NALCN: variants seen among roughly 807,000 people sequenced by gnomAD.
The protein encoded by NALCN is sodium leak channel, non-selective, also known as sodium leak channel NALCN.
Under a neutral mutation model 225.3 loss-of-function variants are expected in NALCN, and 111 were observed. The observed-to-expected ratio is 0.49, with a 90% CI of 0.42 to 0.58. The LOEUF is 0.58. Among genes scored for constraint, NALCN ranks in the 20% least tolerant of loss-of-function variants. The probability of loss-of-function intolerance (pLI) is 0.00; values close to 1 mark genes in which losing one functional copy is unlikely to be tolerated. For synonymous variants in NALCN, 764 were observed against 769.0 expected (o/e 0.99, Z 0.11); for missense variants, 1,378 against 2,202.4 (o/e 0.63, Z 7.49).
At chr13:101,415,206 C>CATATATATATATATATATATAT (rs1278371508) in intron 1 of NALCN, among the ~76,000 whole-genome samples, 5,288 of 103,756 alleles carry the variant, frequency 0.051, 395 homozygotes, top group Middle Eastern at 0.066. Context: ...ACAAATCACA[C>CATATATATATATATATATATAT]ACATATATAT....
intron 14 of NALCN, 55 bp downstream of exon 14, chr13:101,191,862 T>C (rs2039693939): frequency 3.2e-6 from 5 of 1,560,424 alleles, no homozygotes; most frequent in Admixed American, 1.9e-5. Flanking sequence ...TATCTGTTGA[T>C]GTTCATCCCA....
At position 101,207,881 on chromosome 13, in the gene NALCN, T is replaced by C. The variant is rs143512969; in HGVS notation, c.1627-15827A>G. On this transcript the variant is annotated intron_variant, in intron 13 of 43. Coordinates refer to ENST00000251127, the MANE Select transcript of NALCN (RefSeq NM_052867.4). Reference sequence around the variant, plus strand: ...ATCTTGCTGCTGCTCACTCTTTGGGTCCGCACTGTCTTTATGAGCTGCAAC... The same window carrying C: ...ATCTTGCTGCTGCTCACTCTTTGGGCCCGCACTGTCTTTATGAGCTGCAAC... 6.5e-3 allele frequency among the ~76,000 whole-genome samples: 988 copies of C among 152,320 alleles called. 10 individuals are homozygous for C. The highest frequency in any genetic ancestry group is 0.023 in the African/African-American group (953 of 41,574).
intron 7 of NALCN, among the ~76,000 whole-genome samples, chr13:101,322,592 T>A (rs1594674279): frequency 2.6e-5 from 4 of 152,238 alleles, no homozygotes; most frequent in African/African-American, 9.6e-5. Flanking sequence ...GACTTGATGA[T>A]CTCATATGTT....
At chr13:101,200,517 C>T (rs1342425106) in intron 13 of NALCN, among the ~76,000 whole-genome samples, 1 of 152,012 alleles carries the variant, frequency 6.6e-6, no homozygotes. Flanking sequence ...AAAAATAAGA[C>T]CACCAAAGAG....
chr13:101,346,182 T>C (rs1337610347), intron 6 of NALCN, among the ~76,000 whole-genome samples: 1 of 150,596 alleles, frequency 6.6e-6, no homozygotes, highest in Non-Finnish European at 1.5e-5. Flanking sequence ...TAAATGATAT[T>C]CATAACATTA....
chr13:101,103,216 T>C lies in NALCN; in HGVS notation c.3013A>G (p.Lys1005Glu). 6.2e-7 allele frequency: 1 copy of C among 1,613,758 alleles called. No individual in the cohort carries two copies. The highest frequency in any genetic ancestry group is 8.5e-7 in the Non-Finnish European group (1 of 1,179,862). ...RIFKLVPQMR[K>E]VVRELFSGFK... ...CCGCTGAAAAGTTCTCGAACAACTT[T>C]CCTCATCTGGGGCACCAGTTTGAAT... The change falls in exon 26 of 44, where the codon AAA becomes GAA. Residue 1005 changes from lysine (K) to glutamate (E), a missense_variant. Lys to Glu is a moderately conservative substitution (Grantham distance 56, BLOSUM62 1). Transcript: ENST00000251127.
chr13:101,394,057 G>A (rs1354762971), intron 3 of NALCN, among the ~76,000 whole-genome samples: 2 of 152,074 alleles, frequency 1.3e-5, no homozygotes, highest in Non-Finnish European at 2.9e-5. Context: ...CAATACAAAA[G>A]GAGTTATTTC....
chr13:101,237,136 G>A (rs1047087748), intron 12 of NALCN, among the ~76,000 whole-genome samples: 1 of 151,636 alleles, frequency 6.6e-6, no homozygotes. Context: ...AATAATTACT[G>A]TTTATTGCAT....
intron 10 of NALCN, among the ~76,000 whole-genome samples, chr13:101,275,746 T>TATGG (rs2138961119): frequency 6.6e-6 from 1 of 151,976 alleles, no homozygotes; most frequent in South Asian, 2.1e-4. Flanking sequence ...AGAAACCAGG[T>TATGG]ATGGGGCTTG....
chr13:101,257,635 T>C (rs187784227), intron 11 of NALCN, among the ~76,000 whole-genome samples: 3 of 152,168 alleles, frequency 2.0e-5, no homozygotes, highest in South Asian at 4.1e-4. Flanking sequence ...GTTGGATTTA[T>C]TGAAGCGTTG....
intron 1 of NALCN, among the ~76,000 whole-genome samples, chr13:101,408,934 A>T (rs1236835381): frequency 6.6e-6 from 1 of 152,176 alleles, no homozygotes; most frequent in Non-Finnish European, 1.5e-5. Flanking sequence ...ATTAGAAATA[A>T]AAAATGGTTC....
At chr13:101,310,624 A>C (rs753361704) in intron 7 of NALCN, among the ~76,000 whole-genome samples, 1 of 151,982 alleles carries the variant, frequency 6.6e-6, no homozygotes, top group Non-Finnish European at 1.5e-5. Context: ...TATTTTACTT[A>C]CTTATTTTCA....
At chr13:101,346,087 C>CTCTCTCTATATATATATA in intron 6 of NALCN, among the ~76,000 whole-genome samples, 156 of 70,924 alleles carry the variant, frequency 2.2e-3, no homozygotes, top group African/African-American at 4.2e-3. Flanking sequence ...CTCTCTCTCT[C>CTCTCTCTATATATATATA]TATATATATA....
intron 13 of NALCN, among the ~76,000 whole-genome samples, chr13:101,198,172 T>C (rs1217579445): frequency 2.0e-5 from 3 of 152,096 alleles, no homozygotes; most frequent in African/African-American, 7.2e-5. Flanking sequence ...ATGTCAGACA[T>C]AAAACCATGA....
At chr13:101,223,533 C>T (rs533411142) in intron 13 of NALCN, among the ~76,000 whole-genome samples, 68 of 152,242 alleles carry the variant, frequency 4.5e-4, no homozygotes, top group Middle Eastern at 6.8e-3. Flanking sequence ...GATAATGGCC[C>T]TGAATTCATT....
chr13:101,167,645 C>A lies in NALCN; in HGVS notation c.1839+8655G>T, dbSNP rs2139896806. 1.3e-5 allele frequency among the ~76,000 whole-genome samples: 2 copies of A among 150,280 alleles called. 1 individual carries two copies. The highest frequency in any genetic ancestry group is 6.8e-3 in the Middle Eastern group (2 of 292). ...TGAGGTCAGGAGTTCGAGACCAGCCCTGGCCAACATGGTGAAACCCTGTCT... is the reference window on the plus strand; with the variant it reads ...TGAGGTCAGGAGTTCGAGACCAGCCATGGCCAACATGGTGAAACCCTGTCT... On this transcript the variant is annotated intron_variant, in intron 15 of 43. Coordinates refer to ENST00000251127, the MANE Select transcript of NALCN (RefSeq NM_052867.4).
chr13:101,083,341 G>C, intron 31 of NALCN, 143 bp from the exon 32 acceptor site: 1 of 692,422 alleles, frequency 1.4e-6, no homozygotes, highest in Non-Finnish European at 2.4e-6. Context: ...TGTTTTTGCA[G>C]CAATGGCTGG....
intron 2 of NALCN, 24 bp downstream of exon 2, chr13:101,398,995 T>C (rs750188709): frequency 7.2e-7 from 1 of 1,398,062 alleles, no homozygotes; most frequent in Non-Finnish European, 1.0e-6. Context: ...CATATGCTTC[T>C]CCATACTCAA....
At chr13:101,295,928 T>C (rs1594623602) in intron 7 of NALCN, among the ~76,000 whole-genome samples, 1 of 152,208 alleles carries the variant, frequency 6.6e-6, no homozygotes, top group Non-Finnish European at 1.5e-5. Flanking sequence ...ATCAAATGTA[T>C]GTTCCTTTCA....
Sources: allele counts gnomAD v4.1 joint callset (sites outside exome capture counted in the v4.1 genomes callset), GRCh38; gene constraint gnomAD v4.1.1; transcripts MANE v1.5; gene names NCBI Gene and HGNC (gene_info 2026-07-23, HGNC 2026-07-21).